The following SORCS3 variants were observed in gnomAD, a reference collection of about 807,000 sequenced individuals.
SORCS3 encodes VPS10 domain-containing receptor SorCS3.
A neutral mutation model predicts 146.3 loss-of-function variants in SORCS3; 57 were observed. The ratio of observed to expected loss-of-function variants is 0.39; its 90% CI spans 0.31 to 0.49. SORCS3 has a LOEUF of 0.49. Among genes scored for constraint, SORCS3 ranks in the 20% least tolerant of loss-of-function variants. SORCS3 has a pLI of 0.92. For synonymous variants in SORCS3, 653 were observed against 618.5 expected, an observed-to-expected ratio of 1.06 and a Z score of -0.83; for missense variants, 1,341 against 1,575.5, an observed-to-expected ratio of 0.85 and a Z score of 2.52.
At chr10:105,195,948 T>C (rs1410250274) in intron 14 of SORCS3, among the ~76,000 whole-genome samples, 23 of 152,250 alleles carry the variant, frequency 1.5e-4, no homozygotes, top group Admixed American at 1.4e-3. Flanking sequence ...GTTTACAGTA[T>C]GGGGAAAGAC....
At chr10:104,821,183 G>C (rs2017868792) in intron 1 of SORCS3, among the ~76,000 whole-genome samples, 1 of 152,184 alleles carries the variant, frequency 6.6e-6, no homozygotes, top group Non-Finnish European at 1.5e-5. Context: ...GTTGGTTGAA[G>C]CAGTCACAAC....
chr10:104,915,705 C>G, intron 2 of SORCS3, 128 bp from the exon 3 acceptor site: 1 of 722,232 alleles, frequency 1.4e-6, no homozygotes, highest in Non-Finnish European at 2.4e-6. Context: ...GGCTTTTTAT[C>G]TCTGAAGCAC....
In SORCS3 at chr10:104,973,533, G is replaced by A. The variant is rs375098019; in HGVS notation, c.796-3802G>A. On this transcript the variant is annotated intron_variant, in intron 3 of 26. Transcript: ENST00000369701. ...GGTAGTTTGTATTTCTGTGGGATCG[G>A]TGGTGATATCCCCTTTATCATTTTT... 1.6e-3 allele frequency among the ~76,000 whole-genome samples: 246 copies of A among 150,858 alleles called. 8 individuals carry two copies. The East Asian group carries it at 0.037, about 23-fold the overall frequency.
intron 7 of SORCS3, among the ~76,000 whole-genome samples, chr10:105,119,271 G>A (rs1325880523): frequency 5.3e-5 from 8 of 152,188 alleles, no homozygotes; most frequent in Admixed American, 4.6e-4. Flanking sequence ...CAAGAATTGA[G>A]GTTTGGGGAT....
intron 2 of SORCS3, among the ~76,000 whole-genome samples, chr10:104,861,453 A>G (rs2018399748): frequency 6.6e-6 from 1 of 152,184 alleles, no homozygotes. Flanking sequence ...GACTCCCTTA[A>G]GCACATGTTC....
At chr10:105,254,061 A>G (rs554924391) in intron 23 of SORCS3, among the ~76,000 whole-genome samples, 3 of 152,342 alleles carry the variant, frequency 2.0e-5, no homozygotes, top group African/African-American at 4.8e-5. Flanking sequence ...CTCAGCTTTC[A>G]TGTGGGAATT....
In SORCS3 at chr10:104,735,454, C is replaced by CTTTTTTTTTTTTTTT. The variant is rs1554847561; in HGVS notation, c.627+93501_627+93502insTTTTTTTTTTTTTTT. On this transcript the variant is annotated intron_variant, in intron 1 of 26. Transcript: ENST00000369701. ...TGCGGTATTCATGAGCTCTCACCGT[C>CTTTTTTTTTTTTTTT]TGTTTTTTTTTTTTTTTTTTTTTAA... Among the ~76,000 whole-genome samples the CTTTTTTTTTTTTTTT allele has an allele frequency of 4.0e-4, 6 of 14,864 alleles. No homozygotes were observed. In the East Asian group the frequency reaches 0.015, roughly 36 times the overall value. 9.8% of individuals were successfully genotyped at this position (14,864 alleles called of 152,430 possible).
intron 4 of SORCS3, among the ~76,000 whole-genome samples, chr10:104,986,070 AG>A: frequency 6.6e-6 from 1 of 152,304 alleles, no homozygotes; most frequent in South Asian, 2.1e-4. Context: ...TCTCCTCTCT[AG>A]CTGTGAAAGT....
At chr10:104,773,335 G>A (rs1220748689) in intron 1 of SORCS3, among the ~76,000 whole-genome samples, 2 of 152,160 alleles carry the variant, frequency 1.3e-5, no homozygotes, top group Non-Finnish European at 2.9e-5. Flanking sequence ...TTGGAAACTC[G>A]GATTCATTCC....
At chr10:105,254,745 G>A (rs2056920217) in intron 23 of SORCS3, among the ~76,000 whole-genome samples, 1 of 151,944 alleles carries the variant, frequency 6.6e-6, no homozygotes, top group Non-Finnish European at 1.5e-5. Context: ...GTTGCAGCCA[G>A]TCAAGATCAT....
rs772376812 is a variant in SORCS3, at chr10:105,217,112, G to C, written c.2724G>C (p.Leu908=). 2.5e-6 allele frequency: 4 copies of C among 1,613,936 alleles called. No individual in the cohort carries two copies. In the Admixed American group the frequency reaches 6.7e-5, roughly 27 times the overall value. Reference sequence around the variant, plus strand: ...GCTCAGACACAGCTGTCCTCTTCCTGCATGTGGTTTGTAAGTAGGAGGCAC... The same window carrying C: ...GCTCAGACACAGCTGTCCTCTTCCTCCATGTGGTTTGTAAGTAGGAGGCAC... ...NLGSDTAVLF[L]HVVCPVEHVH... The change falls in exon 19 of 27, where the codon CTG becomes CTC. Residue 908 remains leucine, a synonymous_variant. Coordinates refer to ENST00000369701, the MANE Select transcript of SORCS3 (RefSeq NM_014978.3).
chr10:105,200,535 G>C (rs577718426), intron 15 of SORCS3, among the ~76,000 whole-genome samples: 2 of 152,098 alleles, frequency 1.3e-5, no homozygotes, highest in Non-Finnish European at 2.9e-5. Context: ...ACTGAGAAAT[G>C]GTGTCAGGGT....
intron 1 of SORCS3, among the ~76,000 whole-genome samples, chr10:104,685,521 C>G (rs561650845): frequency 2.0e-5 from 3 of 152,218 alleles, no homozygotes; most frequent in Non-Finnish European, 2.9e-5. Flanking sequence ...CATATCCTGA[C>G]CTAGGTCACA....
At chr10:104,801,067 A>G (rs1056493136) in intron 1 of SORCS3, among the ~76,000 whole-genome samples, 5 of 152,186 alleles carry the variant, frequency 3.3e-5, no homozygotes, top group Non-Finnish European at 5.9e-5. Context: ...CACTTTTTCT[A>G]GCATAGACAG....
intron 2 of SORCS3, among the ~76,000 whole-genome samples, chr10:104,852,752 T>C (rs189257641): frequency 3.0e-4 from 46 of 152,304 alleles, no homozygotes; most frequent in African/African-American, 1.1e-3. Context: ...CAGAAATCCA[T>C]AGTTGCTCCC....
chr10:105,049,507 T>C (rs2055396725), intron 5 of SORCS3, among the ~76,000 whole-genome samples: 2 of 152,090 alleles, frequency 1.3e-5, no homozygotes, highest in Admixed American at 1.3e-4. Flanking sequence ...TAATATCCCT[T>C]AGGTGCACAT....
rs774027756 is a variant in SORCS3, at chr10:105,214,449, C to T, written c.2383C>T (p.Arg795Trp). 5.6e-6 allele frequency: 9 copies of T among 1,614,048 alleles called. No homozygotes were observed. Among genetic ancestry groups the T allele is most frequent in the Admixed American group, 1.7e-5 (1 of 60,008 alleles). The change falls in exon 18 of 27, where the codon CGG becomes TGG. Residue 795 changes from arginine (R) to tryptophan (W), a missense_variant. Arg to Trp is a moderately radical substitution (Grantham distance 101). Transcript: ENST00000369701. ...ATTGTCAATTCTACTTAGGTATCGG[C>T]GGATTGTGTCCAACAACTGCACAGA... ...QSYLNSTGYR[R>W]IVSNNCTDGL...
chr10:104,738,820 A>G (rs773202550), intron 1 of SORCS3, among the ~76,000 whole-genome samples: 53 of 152,302 alleles, frequency 3.5e-4, no homozygotes, highest in Middle Eastern at 3.4e-3. Context: ...CCAGTACTCA[A>G]GGTCTGAAGA....
chr10:105,017,798 G>A (rs2133686179), intron 4 of SORCS3, among the ~76,000 whole-genome samples: 1 of 152,200 alleles, frequency 6.6e-6, no homozygotes, highest in Admixed American at 6.5e-5. Context: ...GAAATCATGA[G>A]GTCCTTGATT....
Sources: gnomAD v4.1 joint callset for allele counts (sites outside exome capture counted in the v4.1 genomes callset) on GRCh38, gnomAD v4.1.1 for gene constraint, MANE v1.5 for transcripts, NCBI Gene and HGNC (gene_info 2026-07-23, HGNC 2026-07-21) for gene names.